Variants in DNAJC3 observed in about 807,000 individuals in gnomAD.
DNAJC3 encodes the protein DnaJ heat shock protein family (Hsp40) member C3, also known as dnaJ homolog subfamily C member 3.
A neutral mutation model predicts 68.6 loss-of-function variants in DNAJC3; 38 were observed. The ratio of observed to expected loss-of-function variants is 0.55; its 90% CI spans 0.43 to 0.73. The LOEUF is 0.73. DNAJC3 is among the 30% of genes least tolerant of loss of function. The probability of loss-of-function intolerance (pLI) is 0.00; values close to 1 mark genes in which losing one functional copy is unlikely to be tolerated. For missense variants in DNAJC3, 526 were observed against 591.9 expected (o/e 0.89, Z 1.16); for synonymous variants, 203 against 204.0 (o/e 1.00, Z 0.04).
chr13:95,723,630 T>G (rs1415583247), intron 3 of DNAJC3, among the ~76,000 whole-genome samples: 2 of 152,042 alleles, frequency 1.3e-5, no homozygotes, highest in Non-Finnish European at 2.9e-5. Flanking sequence ...CAAATCTGTG[T>G]GGAGGCTGGA....
Position 95,785,835 on chromosome 13 carries a change from G to C in DNAJC3, c.1076-104G>C, listed in dbSNP as rs1883585661. The C allele has an allele frequency of 8.3e-6, 9 of 1,088,028 alleles. No homozygotes were observed. In the East Asian group the frequency reaches 2.6e-4, roughly 31 times the overall value. 67.4% of individuals were successfully genotyped at this position (1,088,028 alleles called of 1,614,324 possible). A position where few individuals can be genotyped will look rare whatever the true frequency, so the allele number is the denominator to read the frequency against. On this transcript the variant is annotated intron_variant, in intron 9 of 11. Coordinates refer to ENST00000602402, the MANE Select transcript of DNAJC3 (RefSeq NM_006260.5). Reference sequence around the variant, plus strand: ...TTTTTGGCAATAATGGCCAAAGAGTGAAGGGGTTGGGGGATGACGACTTTA... The same window carrying C: ...TTTTTGGCAATAATGGCCAAAGAGTCAAGGGGTTGGGGGATGACGACTTTA...
chr13:95,773,157 T>TG (rs1315468572), intron 9 of DNAJC3, among the ~76,000 whole-genome samples: 9 of 150,432 alleles, frequency 6.0e-5, no homozygotes, highest in African/African-American at 9.8e-5. Flanking sequence ...ATTTAGTTTT[T>TG]TTTTTTTTTT....
In DNAJC3 at chr13:95,787,042, G is replaced by A. The variant is rs1566518559; in HGVS notation, c.1244G>A (p.Arg415Gln). 5.6e-6 allele frequency: 9 copies of A among 1,610,762 alleles called. No homozygotes were observed. Among genetic ancestry groups the A allele is most frequent in the Non-Finnish European group, 6.8e-6 (8 of 1,178,998 alleles). ...AKKQEIIKAY[R>Q]KLALQWHPDN... ...AAGCAAGAAATTATTAAAGCATACCGAAAATTAGCACTGCAGTGGCACCCA... is the reference window on the plus strand; with the variant it reads ...AAGCAAGAAATTATTAAAGCATACCAAAAATTAGCACTGCAGTGGCACCCA... The change falls in exon 11 of 12, where the codon CGA (arginine) becomes CAA (glutamine). Residue 415 changes from arginine to glutamine, a missense_variant. Arg to Gln is a conservative substitution (Grantham distance 43). Coordinates refer to ENST00000602402, the MANE Select transcript of DNAJC3 (RefSeq NM_006260.5).
At chr13:95,681,834 C>T (rs1879922868) in intron 1 of DNAJC3, among the ~76,000 whole-genome samples, 1 of 152,172 alleles carries the variant, frequency 6.6e-6, no homozygotes, top group African/African-American at 2.4e-5. Context: ...TTCTTTTAGA[C>T]CTTGTCTTTA....
chr13:95,681,806 C>T (rs972315880), intron 1 of DNAJC3, among the ~76,000 whole-genome samples: 1 of 152,220 alleles, frequency 6.6e-6, no homozygotes, highest in Non-Finnish European at 1.5e-5. Context: ...ACTCTCCTTT[C>T]CTCTCTCCCC....
chr13:95,691,768 G>A (rs1478196664), intron 1 of DNAJC3, among the ~76,000 whole-genome samples: 2 of 152,332 alleles, frequency 1.3e-5, no homozygotes, highest in Admixed American at 6.5e-5. Flanking sequence ...GGGCACCATT[G>A]AGCACTGAGT....
Position 95,782,847 on chromosome 13 carries a change from G to A in DNAJC3, c.1076-3092G>A, listed in dbSNP as rs376690064. On this transcript the variant is annotated intron_variant, in intron 9 of 11. Transcript: ENST00000602402. ...TTAGATCCCATTTGTCAATTTTGGCGTTTGTTGCCATTGCTTTTGATGTTT... is the reference window on the plus strand; with the variant it reads ...TTAGATCCCATTTGTCAATTTTGGCATTTGTTGCCATTGCTTTTGATGTTT... Among the ~76,000 whole-genome samples, 11 of 152,254 alleles carry A rather than the reference G, an allele frequency of 7.2e-5. No homozygotes were observed. In the East Asian group the frequency reaches 1.5e-3, roughly 21 times the overall value.
intron 9 of DNAJC3, among the ~76,000 whole-genome samples, chr13:95,781,235 TATAGTAGGGATTA>T (rs1883441945): frequency 6.6e-6 from 1 of 152,108 alleles, no homozygotes; most frequent in East Asian, 1.9e-4. Flanking sequence ...TCACTCTGCT[TATAGTAGGGATTA>T]ATGCTGCAGC....
At chr13:95,779,176 G>C (rs573273540) in intron 9 of DNAJC3, among the ~76,000 whole-genome samples, 1 of 135,592 alleles carries the variant, frequency 7.4e-6, no homozygotes, top group Non-Finnish European at 1.5e-5. Context: ...CCAGGCTGGA[G>C]TGCAGTGGCA....
chr13:95,758,617 CAAAA>C (rs34861867), intron 5 of DNAJC3, among the ~76,000 whole-genome samples: 1 of 137,042 alleles, frequency 7.3e-6, no homozygotes, highest in African/African-American at 2.6e-5. Context: ...GACTCCGTCT[CAAAA>C]AAAAAAAAAA....
At chr13:95,772,393 C>T (rs1013105478) in intron 9 of DNAJC3, among the ~76,000 whole-genome samples, 29 of 152,082 alleles carry the variant, frequency 1.9e-4, no homozygotes, top group Non-Finnish European at 4.1e-4. Flanking sequence ...TGTTTATCTG[C>T]AAGCAGAATT....
rs191426650 is a variant in DNAJC3, at chr13:95,775,987, T to A, written c.1076-9952T>A. Among the ~76,000 whole-genome samples the A allele has an allele frequency of 5.7e-3, 864 of 150,818 alleles. 9 individuals carry two copies. The highest frequency in any genetic ancestry group is 0.019 in the African/African-American group (773 of 41,190). On this transcript the variant is annotated intron_variant, in intron 9 of 11. Coordinates refer to ENST00000602402, the MANE Select transcript of DNAJC3 (RefSeq NM_006260.5). ...TCCGCTCTCTGTGAAGATACTCTTT[T>A]TATATATATATATATACTTTTTTTT...
rs1193979630 is a variant in DNAJC3, at chr13:95,704,851, G to GTTTTTTTTTT, written c.83-4367_83-4358dup. Among the ~76,000 whole-genome samples, 43 of 97,826 alleles carry GTTTTTTTTTT rather than the reference G, an allele frequency of 4.4e-4. 1 individual carries two copies. The highest frequency in any genetic ancestry group is 1.3e-3 in the African/African-American group (21 of 16,736). The allele number at this position is 97,826 out of a possible 152,430, so 64.2% of individuals were successfully genotyped here. On this transcript the variant is annotated intron_variant, in intron 1 of 11. Transcript: ENST00000602402. The stretch of plus-strand genomic sequence containing the variant: ...AGAAAGGACTAATCTGTGTGTGTGT[G>GTTTTTTTTTT]TTTTTTTTTTTTTTTTTTGAGACAG...
intron 9 of DNAJC3, among the ~76,000 whole-genome samples, chr13:95,779,325 CGT>C (rs1883380988): frequency 6.6e-6 from 1 of 151,824 alleles, no homozygotes; most frequent in Admixed American, 6.6e-5. Context: ...GGGGTTTCAC[CGT>C]GTTAGCCAGG....
At chr13:95,781,484 A>G (rs1463286974) in intron 9 of DNAJC3, among the ~76,000 whole-genome samples, 2 of 152,088 alleles carry the variant, frequency 1.3e-5, no homozygotes, top group Non-Finnish European at 2.9e-5. Context: ...ATCTTCCAGA[A>G]ATTTATCAAA....
chr13:95,694,968 C>T (rs1214378450), intron 1 of DNAJC3: 2 of 152,528 alleles, frequency 1.3e-5, no homozygotes, highest in East Asian at 3.9e-4. Flanking sequence ...GCTACATACT[C>T]CCATGAGGCC....
chr13:95,700,600 A>G (rs1880558140), intron 1 of DNAJC3, among the ~76,000 whole-genome samples: 1 of 152,224 alleles, frequency 6.6e-6, no homozygotes, highest in African/African-American at 2.4e-5. Context: ...AGCAAGGTAA[A>G]GTGAATTCCA....
At chr13:95,716,366 A>G (rs1043806517) in intron 2 of DNAJC3, among the ~76,000 whole-genome samples, 2 of 152,242 alleles carry the variant, frequency 1.3e-5, no homozygotes, top group Non-Finnish European at 2.9e-5. Context: ...CCCCACGGCA[A>G]TGTCTAGGAC....
chr13:95,702,586 G>A (rs969671916), intron 1 of DNAJC3, among the ~76,000 whole-genome samples: 2 of 152,190 alleles, frequency 1.3e-5, no homozygotes, highest in African/African-American at 2.4e-5. Context: ...AAAGAGGCCT[G>A]AAGGAGCTTG....
Sources: gnomAD v4.1 joint callset for allele counts (sites outside exome capture counted in the v4.1 genomes callset) on GRCh38, gnomAD v4.1.1 for gene constraint, MANE v1.5 for transcripts, NCBI Gene and HGNC (gene_info 2026-07-23, HGNC 2026-07-21) for gene names.